PHF8: variants seen among roughly 807,000 people sequenced by gnomAD.
The protein encoded by PHF8 is histone lysine demethylase PHF8.
In PHF8, 9 loss-of-function variants were observed where a neutral mutation model predicts 74.4. The ratio of observed to expected loss-of-function variants is 0.12; its 90% CI spans 0.07 to 0.21. PHF8 has a LOEUF of 0.21. Among genes scored for constraint, PHF8 ranks in the 10% least tolerant of loss-of-function variants. The pLI is 1.00. For missense variants in PHF8, 478 were observed against 816.6 expected (o/e 0.59, Z 5.05); for synonymous variants, 311 against 316.6 (o/e 0.98, Z 0.19).
At chrX:54,020,532 G>A (rs2066152526) in intron 4 of PHF8, among the ~76,000 whole-genome samples, 1 of 111,109 alleles carries the variant, frequency 9.0e-6, no homozygotes, top group South Asian at 3.8e-4. Context: ...GCAAGATACA[G>A]AACAATATAT....
Position 53,956,560 on chromosome X carries a change from T to TA in PHF8, c.2539+6283dup, listed in dbSNP as rs781787483. On this transcript the variant is annotated intron_variant, in intron 19 of 21. Transcript: ENST00000338154. Reference sequence around the variant, plus strand: ...TTATGCTTAAAAAATACAAGGGTGTTAATTATCTACTCTCTGAATATGCAA... The same window carrying TA: ...TTATGCTTAAAAAATACAAGGGTGTTAAATTATCTACTCTCTGAATATGCAA... 1.8e-5 allele frequency among the ~76,000 whole-genome samples: 2 copies of TA among 111,717 alleles called. 1 individual carries two copies. The highest frequency in any genetic ancestry group is 6.5e-5 in the African/African-American group (2 of 30,756).
intron 19 of PHF8, among the ~76,000 whole-genome samples, chrX:53,948,305 G>A (rs1262575426): frequency 1.8e-5 from 2 of 111,721 alleles, no homozygotes; most frequent in Admixed American, 1.9e-4. Context: ...TAATTTTTTT[G>A]AGATGGAGTC....
chrX:53,990,887 C>G (rs1557101179), intron 14 of PHF8, among the ~76,000 whole-genome samples: 1 of 111,547 alleles, frequency 9.0e-6, no homozygotes, highest in Non-Finnish European at 1.9e-5. Context: ...CTGGTCATAC[C>G]CACATCATTA....
intron 8 of PHF8, among the ~76,000 whole-genome samples, chrX:54,007,957 T>A (rs1028064047): frequency 8.9e-6 from 1 of 112,165 alleles, no homozygotes; most frequent in Non-Finnish European, 1.9e-5. Flanking sequence ...TACACGAATG[T>A]TCATAGCAAC....
At chrX:54,046,027 C>G (rs1278828431), upstream of PHF8, among the ~76,000 whole-genome samples, 7 of 109,361 alleles carry the variant, frequency 6.4e-5, no homozygotes, top group African/African-American at 2.3e-4. Context: ...TAGCTCACTG[C>G]ACCCTAGAAC....
chrX:53,954,458 C>A (rs1389581550), intron 19 of PHF8, among the ~76,000 whole-genome samples: 1 of 92,638 alleles, frequency 1.1e-5, no homozygotes, highest in East Asian at 3.3e-4. Flanking sequence ...CAAGATCATG[C>A]CACTGCACTC....
rs1557099826 is a variant in PHF8, at chrX:53,987,183, A to C, written c.1910-20T>G. ...GAAATTCTAGAAAACAATGGAATGCACTTATTATGAAGCTATGATTAGCAT... is the reference window on the plus strand; with the variant it reads ...GAAATTCTAGAAAACAATGGAATGCCCTTATTATGAAGCTATGATTAGCAT... On this transcript the variant is annotated intron_variant, in intron 15 of 21. Coordinates refer to ENST00000338154, the MANE Select transcript of PHF8 (RefSeq NM_015107.3). The C allele has an allele frequency of 9.8e-7, 1 of 1,019,382 alleles. No individual in the cohort carries two copies. Among genetic ancestry groups the C allele is most frequent in the Admixed American group, 2.2e-5 (1 of 45,677 alleles). The allele number at this position is 1,019,382 out of a possible 1,213,427, so 84.0% of individuals were successfully genotyped here.
intron 2 of PHF8, among the ~76,000 whole-genome samples, chrX:54,041,346 T>C: frequency 9.5e-6 from 1 of 105,000 alleles, no homozygotes; most frequent in East Asian, 2.9e-4. Context: ...ATCATGCCAT[T>C]GCACTCCAGC....
chrX:53,999,014 A>G (rs1199092878), intron 11 of PHF8, among the ~76,000 whole-genome samples: 2 of 112,420 alleles, frequency 1.8e-5, no homozygotes, highest in African/African-American at 6.5e-5. Context: ...AGGATGGTAC[A>G]TTCCTGCAAA....
At position 53,940,171 on chromosome X, in the gene PHF8, C is replaced by T; in HGVS notation, c.2986+9G>A. ...ATCCTTCGGTTCTACAACCATATGGCCGTTGTACCTTGTCCTGCCTGATTG... is the reference window on the plus strand; with the variant it reads ...ATCCTTCGGTTCTACAACCATATGGTCGTTGTACCTTGTCCTGCCTGATTG... On this transcript the variant is annotated intron_variant, in intron 21 of 21. Transcript: ENST00000338154. 2 of 1,153,382 alleles carry T rather than the reference C, an allele frequency of 1.7e-6. No individual in the cohort carries two copies. The highest frequency in any genetic ancestry group is 1.2e-6 in the Non-Finnish European group (1 of 857,843).
At chrX:53,950,102 G>C (rs1479662036) in intron 19 of PHF8, among the ~76,000 whole-genome samples, 1 of 111,418 alleles carries the variant, frequency 9.0e-6, no homozygotes, top group Non-Finnish European at 1.9e-5. Context: ...AAAAACAGCT[G>C]AATCTCAGTA....
At chrX:53,944,880 G>A (rs1214918415) in intron 19 of PHF8, among the ~76,000 whole-genome samples, 4 of 111,497 alleles carry the variant, frequency 3.6e-5, no homozygotes, top group East Asian at 2.8e-4. Flanking sequence ...AAATTATCCC[G>A]GCATGGTGGT....
intron 19 of PHF8, among the ~76,000 whole-genome samples, chrX:53,947,775 A>T (rs148497126): frequency 6.7e-4 from 75 of 112,287 alleles, no homozygotes; most frequent in Non-Finnish European, 1.1e-3. Context: ...TTGTTGGAAC[A>T]CTCATGCTTT....
At chrX:54,028,510 TTTCCTCACTG>T (rs1478052526) in intron 2 of PHF8, among the ~76,000 whole-genome samples, 2 of 111,215 alleles carry the variant, frequency 1.8e-5, no homozygotes, top group African/African-American at 3.3e-5. Flanking sequence ...TCTCCTCACT[TTTCCTCACTG>T]TTCTCACTCC....
At chrX:54,016,860 T>G (rs904726824) in intron 5 of PHF8, 124 bp from the exon 6 acceptor site, 2 of 541,204 alleles carry the variant, frequency 3.7e-6, no homozygotes, top group Non-Finnish European at 6.3e-6. Context: ...ACTGTACATA[T>G]ATGTGTGTGT....
intron 19 of PHF8, among the ~76,000 whole-genome samples, chrX:53,957,661 C>T (rs1360429166): frequency 1.8e-5 from 2 of 112,248 alleles, no homozygotes; most frequent in African/African-American, 6.5e-5. Flanking sequence ...TAGATAAAAA[C>T]TGTATCTCCT....
intron 19 of PHF8, among the ~76,000 whole-genome samples, chrX:53,950,702 A>G (rs1224824620): frequency 8.9e-6 from 1 of 112,604 alleles, no homozygotes; most frequent in Middle Eastern, 4.2e-3. Flanking sequence ...GAGTAGAGAC[A>G]TCAGTGTGCA....
At chrX:54,007,399 T>A (rs782134743) in intron 8 of PHF8, among the ~76,000 whole-genome samples, 1 of 110,174 alleles carries the variant, frequency 9.1e-6, no homozygotes, top group African/African-American at 3.3e-5. Context: ...GAAAAAAAAA[T>A]AGATAAATTG....
chrX:53,985,687 C>T, intron 17 of PHF8, 129 bp downstream of exon 17: 1 of 1,100,347 alleles, frequency 9.1e-7, no homozygotes. Context: ...CACCCAAATG[C>T]CCTGGATAAT....
Sources: gnomAD v4.1 joint callset for allele counts (sites outside exome capture counted in the v4.1 genomes callset) on GRCh38, gnomAD v4.1.1 for gene constraint, MANE v1.5 for transcripts, NCBI Gene and HGNC (gene_info 2026-07-23, HGNC 2026-07-21) for gene names.